Variants in ARHGAP23 observed in about 807,000 individuals in gnomAD.
The protein encoded by ARHGAP23 is rho GTPase-activating protein 23.
ARHGAP23 carries 34 observed loss-of-function variants against 136.3 expected under a neutral mutation model. That is an observed-to-expected ratio of 0.25 (90% CI 0.19 to 0.33). The LOEUF (loss-of-function observed/expected upper bound fraction) is 0.33. ARHGAP23 is among the 10% of genes least tolerant of loss of function. The pLI is 1.00. For synonymous variants in ARHGAP23, 832 were observed against 920.5 expected (o/e 0.90, Z 1.74); for missense variants, 1,808 against 2,139.0 (o/e 0.85, Z 3.05).
intron 9 of ARHGAP23, 42 bp from the exon 10 acceptor site, chr17:38,469,805 C>T (rs1387614734): frequency 6.5e-7 from 1 of 1,549,680 alleles, no homozygotes. Context: ...GAGGTCCCAG[C>T]TTTGCTGCCC....
At chr17:38,440,767 G>C (rs997831685) in intron 1 of ARHGAP23, among the ~76,000 whole-genome samples, 1 of 152,230 alleles carries the variant, frequency 6.6e-6, no homozygotes, top group Non-Finnish European at 1.5e-5. Context: ...AGCCCAGTGT[G>C]TGTCCCACCG....
upstream of ARHGAP23, among the ~76,000 whole-genome samples, chr17:38,427,075 G>A (rs2038580952): frequency 6.6e-6 from 1 of 152,230 alleles, no homozygotes; most frequent in African/African-American, 2.4e-5. Context: ...AACTGAAAAA[G>A]TCATGGGAAA....
At position 38,509,931 on chromosome 17, in the gene ARHGAP23, G is replaced by A; in HGVS notation, c.3448-13G>A. ...CCGGGCGCCCCCCGCATCCTGACCT[G>A]TCTCCCACACAGGGTTCGTGGGCCC... On this transcript the variant is annotated splice_polypyrimidine_tract_variant and intron_variant, in intron 23 of 23. Transcript: ENST00000622683. The A allele has an allele frequency of 8.0e-7, 1 of 1,247,372 alleles. No individual in the cohort carries two copies. The highest frequency in any genetic ancestry group is 1.0e-6 in the Non-Finnish European group (1 of 989,648). 77.3% of individuals were successfully genotyped at this position (1,247,372 alleles called of 1,614,324 possible).
intron 1 of ARHGAP23, among the ~76,000 whole-genome samples, chr17:38,430,334 G>A (rs2038658870): frequency 6.6e-6 from 1 of 152,096 alleles, no homozygotes; most frequent in South Asian, 2.1e-4. Context: ...CTGACTACGG[G>A]AATAGGTCAG....
At chr17:38,439,930 G>T (rs541261883) in intron 1 of ARHGAP23, among the ~76,000 whole-genome samples, 72 of 151,720 alleles carry the variant, frequency 4.7e-4, no homozygotes, top group African/African-American at 1.7e-3. Context: ...GGGTCTCATC[G>T]TGTTGACCAG....
At chr17:38,508,172 G>A (rs1009264655) in intron 23 of ARHGAP23, among the ~76,000 whole-genome samples, 1 of 152,256 alleles carries the variant, frequency 6.6e-6, no homozygotes, top group African/African-American at 2.4e-5. Context: ...TAGGAGCATA[G>A]TGAGATGACA....
upstream of ARHGAP23, among the ~76,000 whole-genome samples, chr17:38,426,039 CA>C (rs2038566449): frequency 6.6e-6 from 1 of 152,008 alleles, no homozygotes; most frequent in Admixed American, 6.6e-5. Context: ...AAAAGTGAGC[CA>C]GGGGCACCCC....
chr17:38,447,847 C>A (rs910978187), intron 1 of ARHGAP23, among the ~76,000 whole-genome samples: 2 of 152,252 alleles, frequency 1.3e-5, no homozygotes, highest in Non-Finnish European at 2.9e-5. Context: ...CCTGCTGTTG[C>A]CTGGGCAATG....
intron 1 of ARHGAP23, among the ~76,000 whole-genome samples, chr17:38,447,701 G>A (rs2144554471): frequency 6.6e-6 from 1 of 152,292 alleles, no homozygotes; most frequent in South Asian, 2.1e-4. Flanking sequence ...TGATGGAGGA[G>A]GCATAGCTTC....
intron 1 of ARHGAP23, among the ~76,000 whole-genome samples, chr17:38,431,114 A>T (rs1004630098): frequency 1.3e-5 from 2 of 152,176 alleles, no homozygotes; most frequent in African/African-American, 4.8e-5. Flanking sequence ...CACCCTCACT[A>T]TCTGGCTTCT....
At chr17:38,459,610 C>T (rs968415796) in intron 2 of ARHGAP23, among the ~76,000 whole-genome samples, 7 of 152,226 alleles carry the variant, frequency 4.6e-5, no homozygotes, top group Non-Finnish European at 1.0e-4. Context: ...CCTGCTGAAG[C>T]GTGACAGCAT....
intron 22 of ARHGAP23, chr17:38,499,013 G>A: frequency 1.4e-6 from 1 of 699,650 alleles, no homozygotes; most frequent in Non-Finnish European, 2.6e-6. Flanking sequence ...TAAGAAGGCT[G>A]GGTGGGCACA....
intron 1 of ARHGAP23, among the ~76,000 whole-genome samples, chr17:38,431,077 G>A (rs1322677527): frequency 6.6e-6 from 1 of 152,164 alleles, no homozygotes; most frequent in Non-Finnish European, 1.5e-5. Context: ...GTAGGAATGT[G>A]GCAGTCTGGC....
chr17:38,446,488 G>A (rs2039036973), intron 1 of ARHGAP23, among the ~76,000 whole-genome samples: 1 of 151,934 alleles, frequency 6.6e-6, no homozygotes, highest in African/African-American at 2.4e-5. Flanking sequence ...TTTCTTGGCT[G>A]TTGTGAATAA....
intron 14 of ARHGAP23, among the ~76,000 whole-genome samples, chr17:38,480,591 G>A (rs570113285): frequency 1.3e-5 from 2 of 149,958 alleles, no homozygotes; most frequent in Admixed American, 6.6e-5. Context: ...CCAAGATCGC[G>A]CCACTGCACT....
At chr17:38,507,230 C>T (rs186473880) in intron 23 of ARHGAP23, among the ~76,000 whole-genome samples, 6 of 151,158 alleles carry the variant, frequency 4.0e-5, no homozygotes, top group East Asian at 3.9e-4. Context: ...ACCGAGATTG[C>T]GCCACCTACA....
chr17:38,467,538 C>T (rs1321607713), intron 7 of ARHGAP23, among the ~76,000 whole-genome samples: 1 of 152,174 alleles, frequency 6.6e-6, no homozygotes, highest in African/African-American at 2.4e-5. Flanking sequence ...TCCTTTCTTC[C>T]ATCCTACCTC....
intron 1 of ARHGAP23, among the ~76,000 whole-genome samples, chr17:38,420,010 C>G (rs2038503513): frequency 6.6e-6 from 1 of 152,182 alleles, no homozygotes; most frequent in Non-Finnish European, 1.5e-5. Context: ...AAATGCACCC[C>G]AAAGGCAGAG....
chr17:38,439,664 A>G (rs1437120145), intron 1 of ARHGAP23, among the ~76,000 whole-genome samples: 2 of 152,240 alleles, frequency 1.3e-5, no homozygotes, highest in South Asian at 2.1e-4. Flanking sequence ...TCTCTATTTA[A>G]TAACTGTGGA....
Sources: gnomAD v4.1 joint callset for allele counts (sites outside exome capture counted in the v4.1 genomes callset) on GRCh38, gnomAD v4.1.1 for gene constraint, MANE v1.5 for transcripts, NCBI Gene and HGNC (gene_info 2026-07-23, HGNC 2026-07-21) for gene names.